The following LIMA1 variants were observed in gnomAD, a reference collection of about 807,000 sequenced individuals.
LIMA1 encodes the protein LIM domain and actin binding 1, also known as LIM domain and actin-binding protein 1.
Under a neutral mutation model 62.6 loss-of-function variants are expected in LIMA1, and 52 were observed. The observed-to-expected ratio is 0.83, with a 90% CI of 0.67 to 1.05. The LOEUF (loss-of-function observed/expected upper bound fraction) is 1.05, where lower values mean the gene tolerates loss of function less well. Ranked by LOEUF, LIMA1 falls within the 50% of genes least tolerant of loss-of-function variation. The pLI, the probability that LIMA1 is intolerant of heterozygous loss-of-function variation, is 0.00. For synonymous variants in LIMA1, 302 were observed against 317.8 expected (o/e 0.95, Z 0.53); for missense variants, 780 against 902.2 (o/e 0.86, Z 1.74).
At chr12:50,237,376 C>T (rs564175097) in intron 2 of LIMA1, among the ~76,000 whole-genome samples, 1 of 152,314 alleles carries the variant, frequency 6.6e-6, no homozygotes, top group Admixed American at 6.5e-5. Context: ...GTGGCTCACG[C>T]CTGTAATCCC....
At chr12:50,280,144 A>ATTTTTTTTTTTTTTTTTTTT (rs71441354) in intron 1 of LIMA1, among the ~76,000 whole-genome samples, 5 of 68,310 alleles carry the variant, frequency 7.3e-5, no homozygotes, top group African/African-American at 3.0e-4. Context: ...GGGTAGTAGT[A>ATTTTTTTTTTTTTTTTTTTT]TTTTTTTTTT....
chr12:50,254,027 C>CAAAAAAA (rs376086760), intron 1 of LIMA1, among the ~76,000 whole-genome samples: 1 of 93,796 alleles, frequency 1.1e-5, no homozygotes, highest in Non-Finnish European at 2.1e-5. Context: ...GACTCTGTCT[C>CAAAAAAA]AAAAAAAAAA....
Position 50,211,857 on chromosome 12 carries a change from C to T in LIMA1, c.631-5789G>A, listed in dbSNP as rs1403247860. On this transcript the variant is annotated intron_variant, in intron 4 of 10. Coordinates refer to ENST00000341247, the MANE Select transcript of LIMA1 (RefSeq NM_016357.5). ...ACTCTTCTGTAACAGACTTTTATCA[C>T]ATTTTAGCTCTTTTTACTCAGACAC... 2.6e-5 allele frequency among the ~76,000 whole-genome samples: 4 copies of T among 152,206 alleles called. No homozygotes were observed. The East Asian group carries it at 5.8e-4, about 22-fold the overall frequency.
At chr12:50,212,741 A>T (rs1941279624) in intron 4 of LIMA1, among the ~76,000 whole-genome samples, 1 of 152,244 alleles carries the variant, frequency 6.6e-6, no homozygotes, top group Non-Finnish European at 1.5e-5. Context: ...ACAAGCTGAA[A>T]ATATATAAGA....
rs190838063 is a variant in LIMA1 at position 50,235,700 on chromosome 12, C to T, written c.120-3990G>A. Among the ~76,000 whole-genome samples, 450 of 152,222 alleles carry T rather than the reference C, an allele frequency of 3.0e-3. 9 individuals are homozygous for T. The highest frequency in any genetic ancestry group is 1.0e-3 in the Non-Finnish European group (69 of 68,022). ...GGGCTACCAAAAATTTCTGGCACTT[C>T]GTTGACCATAACTAGGAAGAAAGTG... On this transcript the variant is annotated intron_variant, in intron 2 of 10. Coordinates refer to ENST00000341247, the MANE Select transcript of LIMA1 (RefSeq NM_016357.5).
chr12:50,269,923 A>T lies in LIMA1; in HGVS notation c.-24+13497T>A, dbSNP rs1215988752. 9.2e-3 allele frequency among the ~76,000 whole-genome samples: 1,011 copies of T among 109,378 alleles called. 15 individuals carry two copies. Among genetic ancestry groups the T allele is most frequent in the African/African-American group, 0.038 (939 of 24,674 alleles). The allele number at this position is 109,378 out of a possible 152,430, so 71.8% of individuals were successfully genotyped here. A position where few individuals can be genotyped will look rare whatever the true frequency, so the allele number is the denominator to read the frequency against. On this transcript the variant is annotated intron_variant, in intron 1 of 10. Coordinates refer to ENST00000341247, the MANE Select transcript of LIMA1 (RefSeq NM_016357.5). ...CAACAAGAGCAAAACTCCGTCAAAT[A>T]AAAAAAAAAAAAAAAAAAAAATTTA...
chr12:50,245,885 T>C (rs923164007), intron 2 of LIMA1, among the ~76,000 whole-genome samples: 2 of 152,006 alleles, frequency 1.3e-5, no homozygotes, highest in African/African-American at 4.8e-5. Flanking sequence ...ATTGGAGATA[T>C]AGAAGAGTAG....
chr12:50,260,231 TC>T (rs1221998180), intron 1 of LIMA1, among the ~76,000 whole-genome samples: 1 of 151,886 alleles, frequency 6.6e-6, no homozygotes, highest in African/African-American at 2.4e-5. Context: ...CACTGCAACT[TC>T]CGCCTCCTGG....
chr12:50,276,200 G>A (rs1384560972), intron 1 of LIMA1, among the ~76,000 whole-genome samples: 1 of 152,140 alleles, frequency 6.6e-6, no homozygotes, highest in African/African-American at 2.4e-5. Flanking sequence ...TTAGAAGACT[G>A]ATTAAAGAAC....
intron 4 of LIMA1, among the ~76,000 whole-genome samples, chr12:50,221,592 C>A (rs956662428): frequency 1.3e-5 from 2 of 152,162 alleles, no homozygotes; most frequent in African/African-American, 4.8e-5. Flanking sequence ...ATTCAGCTAG[C>A]AGAGACAAGT....
intron 1 of LIMA1, among the ~76,000 whole-genome samples, chr12:50,270,776 T>C (rs565475762): frequency 1.4e-4 from 22 of 152,246 alleles, no homozygotes; most frequent in African/African-American, 5.3e-4. Flanking sequence ...ATATCTTATT[T>C]AGACAGGTAA....
chr12:50,210,958 T>C (rs1408474397), intron 4 of LIMA1, among the ~76,000 whole-genome samples: 1 of 152,192 alleles, frequency 6.6e-6, no homozygotes, highest in Non-Finnish European at 1.5e-5. Context: ...GTTTTCATGA[T>C]ATCGCAGGTT....
chr12:50,279,448 A>G (rs1381232930), intron 1 of LIMA1, among the ~76,000 whole-genome samples: 1 of 152,016 alleles, frequency 6.6e-6, no homozygotes, highest in Non-Finnish European at 1.5e-5. Context: ...TTTTTTAAAA[A>G]GATAAATTTT....
intron 8 of LIMA1, among the ~76,000 whole-genome samples, chr12:50,193,753 C>T (rs1256108724): frequency 7.1e-6 from 1 of 140,646 alleles, no homozygotes; most frequent in Non-Finnish European, 1.5e-5. Flanking sequence ...CAACCTCTGC[C>T]TCCTGGGCTC....
rs1940352423 is a variant in LIMA1, at chr12:50,177,037, T to C, written c.*27A>G. The C allele has an allele frequency of 6.6e-7, 1 of 1,508,542 alleles. No homozygotes were observed. The highest frequency in any genetic ancestry group is 1.4e-5 in the African/African-American group (1 of 71,614). 93.4% of individuals were successfully genotyped at this position (1,508,542 alleles called of 1,614,324 possible). The stretch of plus-strand genomic sequence containing the variant: ...AGTGGCTCGCTAACACTAACATGAA[T>C]TTAAGGCCCAGCATCATTGCAATTT... On this transcript the variant is annotated 3_prime_UTR_variant, in exon 11 of 11. Coordinates refer to ENST00000341247, the MANE Select transcript of LIMA1 (RefSeq NM_016357.5).
At chr12:50,241,931 AGATTTT>A in intron 2 of LIMA1, among the ~76,000 whole-genome samples, 1 of 68,678 alleles carries the variant, frequency 1.5e-5, no homozygotes, top group African/African-American at 4.9e-5. Context: ...TTTCCTTCCC[AGATTTT>A]TTTTTTTTTT....
intron 4 of LIMA1, among the ~76,000 whole-genome samples, chr12:50,210,435 A>AAAAAG (rs1349057798): frequency 4.3e-5 from 6 of 139,748 alleles, no homozygotes; most frequent in Non-Finnish European, 7.9e-5. Context: ...AAAAAAAAAA[A>AAAAAG]GAAAAAAAGA....
At chr12:50,193,522 A>G (rs1240439901) in intron 8 of LIMA1, among the ~76,000 whole-genome samples, 1 of 137,154 alleles carries the variant, frequency 7.3e-6, no homozygotes, top group African/African-American at 2.7e-5. Flanking sequence ...TATGATATAT[A>G]TACACATATA....
chr12:50,230,737 C>T (rs1193227910), intron 3 of LIMA1, among the ~76,000 whole-genome samples: 3 of 151,950 alleles, frequency 2.0e-5, no homozygotes, highest in Admixed American at 1.3e-4. Flanking sequence ...CCACCACGCC[C>T]GGCTAATTTT....
Sources: gnomAD v4.1 joint callset for allele counts (sites outside exome capture counted in the v4.1 genomes callset) on GRCh38, gnomAD v4.1.1 for gene constraint, MANE v1.5 for transcripts, NCBI Gene and HGNC (gene_info 2026-07-23, HGNC 2026-07-21) for gene names.